The following SESN3 variants were observed in gnomAD, a reference collection of about 807,000 sequenced individuals.
SESN3 encodes the protein sestrin 3.
In SESN3, 21 loss-of-function variants were observed where a neutral mutation model predicts 55.3. That is an observed-to-expected ratio of 0.38 (90% CI 0.27 to 0.55). The LOEUF (loss-of-function observed/expected upper bound fraction) is 0.55, where lower values mean the gene tolerates loss of function less well. SESN3 is among the 20% of genes least tolerant of loss of function. The pLI is 0.76. For missense variants in SESN3, 408 were observed against 604.3 expected (o/e 0.68, Z 3.41); for synonymous variants, 181 against 203.1 (o/e 0.89, Z 0.93).
intron 1 of SESN3, among the ~76,000 whole-genome samples, chr11:95,211,237 G>T (rs1384739936): frequency 1.3e-5 from 2 of 152,126 alleles, no homozygotes; most frequent in African/African-American, 4.8e-5. Context: ...TTCTGTTCCA[G>T]AATACAACTT....
Position 95,204,264 on chromosome 11 carries a change from T to A in SESN3, c.79-10742A>T, listed in dbSNP as rs567440315. On this transcript the variant is annotated intron_variant, in intron 1 of 9. Coordinates refer to ENST00000536441, the MANE Select transcript of SESN3 (RefSeq NM_144665.4). ...TTTGCGTTACTTGAAATTTTTATAA[T>A]TTTTTAAGTGACTAGCAAGGTACCT... 7.2e-5 allele frequency among the ~76,000 whole-genome samples: 11 copies of A among 152,260 alleles called. No individual in the cohort carries two copies. The South Asian group carries it at 2.3e-3, about 32-fold the overall frequency.
chr11:95,175,481 A>C lies in SESN3; in HGVS notation c.1392+17T>G, dbSNP rs918084884. 6 of 1,607,724 alleles carry C rather than the reference A, an allele frequency of 3.7e-6. No individual in the cohort carries two copies. In the African/African-American group the frequency reaches 8.0e-5, roughly 21 times the overall value. ...AAGAACTGTCTATGGTATAATGCTT[A>C]ATACTGAAACACGTACTTTTTCTGA... On this transcript the variant is annotated intron_variant, in intron 9 of 9. Transcript: ENST00000536441.
At chr11:95,228,808 A>T (rs943225399) in intron 1 of SESN3, among the ~76,000 whole-genome samples, 1 of 152,202 alleles carries the variant, frequency 6.6e-6, no homozygotes, top group African/African-American at 2.4e-5. Flanking sequence ...AAAATACGAA[A>T]ATGTGAATAC....
In SESN3 at chr11:95,191,329, A is replaced by G; in HGVS notation, c.342+75T>C. On this transcript the variant is annotated intron_variant, in intron 3 of 9. Transcript: ENST00000536441. ...TACTTAGCTCTATACACACACAAGGACACATGCCTATTTTGGAAGGGAGAA... is the reference window on the plus strand; with the variant it reads ...TACTTAGCTCTATACACACACAAGGGCACATGCCTATTTTGGAAGGGAGAA... 7 of 1,117,918 alleles carry G rather than the reference A, an allele frequency of 6.3e-6. No homozygotes were observed. In the South Asian group the frequency reaches 7.6e-5, roughly 12 times the overall value. 69.2% of individuals were successfully genotyped at this position (1,117,918 alleles called of 1,614,324 possible). A position where few individuals can be genotyped will look rare whatever the true frequency, so the allele number is the denominator to read the frequency against.
intron 4 of SESN3, among the ~76,000 whole-genome samples, chr11:95,186,392 C>T (rs1024419182): frequency 2.6e-5 from 4 of 151,856 alleles, no homozygotes; most frequent in African/African-American, 9.7e-5. Flanking sequence ...TATTTAACTA[C>T]ACACCATATA....
intron 8 of SESN3, among the ~76,000 whole-genome samples, chr11:95,176,044 T>G (rs1435550071): frequency 6.6e-6 from 1 of 151,966 alleles, no homozygotes; most frequent in African/African-American, 2.4e-5. Flanking sequence ...TACCAGATGG[T>G]GGTAAAGAAG....
intron 4 of SESN3, among the ~76,000 whole-genome samples, chr11:95,188,461 G>A (rs1453405702): frequency 6.6e-6 from 1 of 151,596 alleles, no homozygotes; most frequent in Non-Finnish European, 1.5e-5. Context: ...ACAACTTTCT[G>A]AGAATAAAAT....
At chr11:95,208,464 T>G (rs1259280046) in intron 1 of SESN3, among the ~76,000 whole-genome samples, 1 of 151,486 alleles carries the variant, frequency 6.6e-6, no homozygotes, top group African/African-American at 2.4e-5. Flanking sequence ...ATCATCAGTG[T>G]GCGAAATGTG....
At chr11:95,225,133 G>A (rs1591081778) in intron 1 of SESN3, among the ~76,000 whole-genome samples, 1 of 152,100 alleles carries the variant, frequency 6.6e-6, no homozygotes, top group East Asian at 1.9e-4. Context: ...CAGTGATAAC[G>A]GTTTGGTGCC....
At chr11:95,214,677 T>G (rs1860720017) in intron 1 of SESN3, among the ~76,000 whole-genome samples, 1 of 152,078 alleles carries the variant, frequency 6.6e-6, no homozygotes, top group Admixed American at 6.6e-5. Context: ...AAACAACATA[T>G]CAATCCCAAA....
At chr11:95,178,870 C>T (rs374314301) in intron 6 of SESN3, 42 bp from the exon 7 acceptor site, 16 of 1,167,938 alleles carry the variant, frequency 1.4e-5, no homozygotes, top group East Asian at 4.7e-5. Context: ...GGATACTGTA[C>T]GTGGTTATGA....
At chr11:95,184,957 T>A (rs1269575254) in intron 5 of SESN3, among the ~76,000 whole-genome samples, 1 of 152,108 alleles carries the variant, frequency 6.6e-6, no homozygotes, top group Non-Finnish European at 1.5e-5. Flanking sequence ...CAGCATCTTA[T>A]ACATACAAGT....
intron 1 of SESN3, among the ~76,000 whole-genome samples, chr11:95,217,057 G>A (rs1188164010): frequency 1.3e-5 from 2 of 148,666 alleles, no homozygotes; most frequent in Non-Finnish European, 1.5e-5. Flanking sequence ...AGTGAGCCAC[G>A]ATCATGTCAC....
At chr11:95,221,688 C>T (rs1264300693) in intron 1 of SESN3, among the ~76,000 whole-genome samples, 2 of 152,146 alleles carry the variant, frequency 1.3e-5, no homozygotes, top group Admixed American at 1.3e-4. Context: ...ATTTTCAATA[C>T]ATTCTTTGTA....
rs973586808 is a variant in SESN3 at position 95,176,385 on chromosome 11, A to T, written c.1248-743T>A. Among the ~76,000 whole-genome samples, 3 of 152,230 alleles carry T rather than the reference A, an allele frequency of 2.0e-5. No individual in the cohort carries two copies. In the East Asian group the frequency reaches 5.8e-4, roughly 29 times the overall value. On this transcript the variant is annotated intron_variant, in intron 8 of 9. Coordinates refer to ENST00000536441, the MANE Select transcript of SESN3 (RefSeq NM_144665.4). ...AAGGTGAAACTGAAATTTTCTTTAA[A>T]GATGGGAGAAATTAAGTGTGTTTCA...
chr11:95,187,338 CA>C (rs1286528566), intron 4 of SESN3, among the ~76,000 whole-genome samples: 1 of 151,864 alleles, frequency 6.6e-6, no homozygotes, highest in Non-Finnish European at 1.5e-5. Flanking sequence ...CCAATCTCTG[CA>C]GGATTATCAT....
chr11:95,209,310 G>GA lies in SESN3; in HGVS notation c.79-15789dup, dbSNP rs1333132651. Among the ~76,000 whole-genome samples the GA allele has an allele frequency of 3.8e-4, 57 of 150,924 alleles. 3 individuals carry two copies. The highest frequency in any genetic ancestry group is 3.7e-3 in the Admixed American group (56 of 15,116). On this transcript the variant is annotated intron_variant, in intron 1 of 9. Coordinates refer to ENST00000536441, the MANE Select transcript of SESN3 (RefSeq NM_144665.4). ...ACATTTATGTGGTCAACAAACATAT[G>GA]AAAAAAAAGCTCATCATCACTGGTC...
Position 95,196,071 on chromosome 11 carries a change from T to C in SESN3, c.79-2549A>G, listed in dbSNP as rs189093649. On this transcript the variant is annotated intron_variant, in intron 1 of 9. Coordinates refer to ENST00000536441, the MANE Select transcript of SESN3 (RefSeq NM_144665.4). Reference sequence around the variant, plus strand: ...AGCTCTGGTGATAGTCCAGGAGAGATAAAATATGGCCCGACCTAAAATATT... The same window carrying C: ...AGCTCTGGTGATAGTCCAGGAGAGACAAAATATGGCCCGACCTAAAATATT... Among the ~76,000 whole-genome samples, 160 of 152,282 alleles carry C rather than the reference T, an allele frequency of 1.1e-3. 4 individuals carry two copies. The East Asian group carries it at 0.024, about 23-fold the overall frequency.
chr11:95,185,853 A>G (rs1313120184), intron 4 of SESN3, among the ~76,000 whole-genome samples: 4 of 151,998 alleles, frequency 2.6e-5, no homozygotes, highest in Non-Finnish European at 5.9e-5. Context: ...ATTTTAAGGT[A>G]TATTGGAAAC....
Sources: allele counts gnomAD v4.1 joint callset (sites outside exome capture counted in the v4.1 genomes callset), GRCh38; gene constraint gnomAD v4.1.1; transcripts MANE v1.5; gene names NCBI Gene and HGNC (gene_info 2026-07-23, HGNC 2026-07-21).